HERC3: variants seen among roughly 807,000 people sequenced by gnomAD.
The protein encoded by HERC3 is probable E3 ubiquitin-protein ligase HERC3.
Under a neutral mutation model 129.9 loss-of-function variants are expected in HERC3, and 58 were observed. The ratio of observed to expected loss-of-function variants is 0.45; its 90% CI spans 0.36 to 0.56. The LOEUF is 0.56. Among genes scored for constraint, HERC3 ranks in the 20% least tolerant of loss-of-function variants. The pLI is 0.00. For missense variants in HERC3, 835 were observed against 1,244.2 expected, an observed-to-expected ratio of 0.67 and a Z score of 4.95; for synonymous variants, 430 against 451.0, an observed-to-expected ratio of 0.95 and a Z score of 0.59.
the HERC3 span, among the ~76,000 whole-genome samples, chr4:88,538,202 G>A: frequency 2.0e-5 from 3 of 152,082 alleles, no homozygotes; most frequent in African/African-American, 4.8e-5. Context: ...GTTTTGCATC[G>A]CAGTAAAGGA....
At chr4:88,649,722 T>C in intron 3 of HERC3, 118 bp from the exon 4 acceptor site, 1 of 747,586 alleles carries the variant, frequency 1.3e-6, no homozygotes, top group Non-Finnish European at 2.2e-6. Flanking sequence ...CTATAAATAT[T>C]CAGATTAAGT....
chr4:88,678,222 G>T lies in HERC3; in HGVS notation c.2196+88G>T, dbSNP rs1412243462. On this transcript the variant is annotated intron_variant, in intron 19 of 25. Transcript: ENST00000402738. Reference sequence around the variant, plus strand: ...AAGCAGCAGTGATCTTATTAAAATTGTGGGGTGCAGCCATTCTTTCATTCA... The same window carrying T: ...AAGCAGCAGTGATCTTATTAAAATTTTGGGGTGCAGCCATTCTTTCATTCA... 3.1e-5 allele frequency: 36 copies of T among 1,165,972 alleles called. No homozygotes were observed. The Middle Eastern group carries it at 8.1e-4, about 26-fold the overall frequency. The allele number at this position is 1,165,972 out of a possible 1,614,324, so 72.2% of individuals were successfully genotyped here.
At chr4:88,630,754 G>C (rs942170722) in intron 3 of HERC3, among the ~76,000 whole-genome samples, 1 of 152,154 alleles carries the variant, frequency 6.6e-6, no homozygotes, top group African/African-American at 2.4e-5. Flanking sequence ...CACCATGCAG[G>C]GGACCTCTCT....
chr4:88,546,621 C>T, the HERC3 span, among the ~76,000 whole-genome samples: 12 of 152,028 alleles, frequency 7.9e-5, no homozygotes, highest in African/African-American at 2.2e-4. Context: ...CTGATTTTCC[C>T]GCTTCAGACC....
chr4:88,617,423 A>T (rs1053074414), intron 3 of HERC3, among the ~76,000 whole-genome samples: 5 of 152,196 alleles, frequency 3.3e-5, no homozygotes, highest in Non-Finnish European at 5.9e-5. Flanking sequence ...ATTTGTGATT[A>T]GTTTATCACA....
the HERC3 span, among the ~76,000 whole-genome samples, chr4:88,576,217 C>T: frequency 1.3e-5 from 2 of 152,306 alleles, no homozygotes; most frequent in East Asian, 3.9e-4. Flanking sequence ...ACTTCAATAT[C>T]CTCCATAACC....
At chr4:88,697,830 G>C (rs1734813204) in intron 23 of HERC3, 23 of 1,501,850 alleles carry the variant, frequency 1.5e-5, no homozygotes, top group Non-Finnish European at 2.0e-5. Flanking sequence ...GAGAGATCTT[G>C]CGGATGCGGC....
chr4:88,655,990 A>G lies in HERC3; in HGVS notation c.1024A>G (p.Lys342Glu). 6.2e-7 allele frequency: 1 copy of G among 1,614,120 alleles called. No homozygotes were observed. Among genetic ancestry groups the G allele is most frequent in the Non-Finnish European group, 8.5e-7 (1 of 1,179,974 alleles). The stretch of plus-strand genomic sequence containing the variant: ...TAATGTTAAGTGCCCATCTCCTGTC[A>G]AGGGTTACTGGGCTGCCCACAGTGG... ...TCNVKCPSPV[K>E]GYWAAHSGQL... The change falls in exon 9 of 26, where the codon AAG becomes GAG. Residue 342 changes from lysine to glutamate, a missense_variant. Transcript: ENST00000402738.
At chr4:88,680,025 T>G (rs1380084225) in intron 19 of HERC3, 68 bp from the exon 20 acceptor site, 1 of 1,365,902 alleles carries the variant, frequency 7.3e-7, no homozygotes, top group Non-Finnish European at 1.0e-6. Flanking sequence ...TAGAAAATGG[T>G]CTGCTAAAAA....
At chr4:88,674,804 G>A (rs1468568037) in intron 16 of HERC3, among the ~76,000 whole-genome samples, 1 of 152,096 alleles carries the variant, frequency 6.6e-6, no homozygotes, top group Non-Finnish European at 1.5e-5. Flanking sequence ...GATCTCACTG[G>A]ACTGGAATTG....
chr4:88,649,408 G>GTT (rs1729035436), intron 3 of HERC3, among the ~76,000 whole-genome samples: 1 of 152,162 alleles, frequency 6.6e-6, no homozygotes, highest in African/African-American at 2.4e-5. Context: ...TTCTGGGTGT[G>GTT]TTTGTATGTG....
the HERC3 span, among the ~76,000 whole-genome samples, chr4:88,525,586 T>C: frequency 6.6e-6 from 1 of 152,168 alleles, no homozygotes; most frequent in Admixed American, 6.5e-5. Flanking sequence ...TGCCTCCACA[T>C]AGAGGGTTTG....
intron 11 of HERC3, among the ~76,000 whole-genome samples, chr4:88,663,416 C>A (rs1730710657): frequency 6.6e-6 from 1 of 152,088 alleles, no homozygotes; most frequent in African/African-American, 2.4e-5. Context: ...TGGGGTCCAG[C>A]AAGGGAAATG....
At chr4:88,619,341 C>T (rs1725261764) in intron 3 of HERC3, among the ~76,000 whole-genome samples, 1 of 152,118 alleles carries the variant, frequency 6.6e-6, no homozygotes, top group South Asian at 2.1e-4. Context: ...GCATGGCTGC[C>T]CAGGTCAGTC....
intron 25 of HERC3, among the ~76,000 whole-genome samples, chr4:88,704,863 C>CTTTTTTTTT (rs1165694315): frequency 1.1e-4 from 14 of 130,660 alleles, no homozygotes; most frequent in African/African-American, 3.9e-4. Context: ...TTCTTTCTTT[C>CTTTTTTTTT]TTTTTTTTTT....
intron 25 of HERC3, 34 bp from the exon 26 acceptor site, chr4:88,706,718 C>G: frequency 6.3e-7 from 1 of 1,585,302 alleles, no homozygotes; most frequent in Non-Finnish European, 8.7e-7. Flanking sequence ...TTTCCGTTTG[C>G]TTAGCTGCTA....
chr4:88,643,463 A>G (rs1278714551), intron 3 of HERC3, among the ~76,000 whole-genome samples: 1 of 152,236 alleles, frequency 6.6e-6, no homozygotes, highest in African/African-American at 2.4e-5. Flanking sequence ...AATAAAGTTG[A>G]AGGAATCACC....
chr4:88,591,165 T>C (rs566391528), upstream of HERC3, among the ~76,000 whole-genome samples: 1 of 152,338 alleles, frequency 6.6e-6, no homozygotes, highest in African/African-American at 2.4e-5. Flanking sequence ...AGTGCCGAGA[T>C]TACAGGCATG....
At chr4:88,541,212 C>A in the HERC3 span, among the ~76,000 whole-genome samples, 5 of 151,990 alleles carry the variant, frequency 3.3e-5, no homozygotes, top group East Asian at 3.9e-4. Flanking sequence ...CGTGCAGAGA[C>A]ACACATAGGC....
Sources: gnomAD v4.1 joint callset for allele counts (sites outside exome capture counted in the v4.1 genomes callset) on GRCh38, gnomAD v4.1.1 for gene constraint, MANE v1.5 for transcripts, NCBI Gene and HGNC (gene_info 2026-07-23, HGNC 2026-07-21) for gene names.